Variants in ITGAX observed in about 807,000 individuals in gnomAD.
ITGAX encodes the protein integrin alpha-X.
Under a neutral mutation model 140.2 loss-of-function variants are expected in ITGAX, and 99 were observed. The observed-to-expected ratio is 0.71, with a 90% CI of 0.60 to 0.83. The LOEUF is 0.83. Among genes scored for constraint, ITGAX ranks in the 40% least tolerant of loss-of-function variants. The pLI is 0.00. For missense variants in ITGAX, 1,444 were observed against 1,482.0 expected, an observed-to-expected ratio of 0.97 and a Z score of 0.42; for synonymous variants, 631 against 600.4, an observed-to-expected ratio of 1.05 and a Z score of -0.75.
At chr16:31,372,810 C>T in intron 19 of ITGAX, 140 bp downstream of exon 19, 1 of 817,196 alleles carries the variant, frequency 1.2e-6, no homozygotes, top group Non-Finnish European at 2.0e-6. Context: ...GTGGCTCACG[C>T]CTGTAATCCC....
chr16:31,356,356 C>T, intron 2 of ITGAX: 1 of 461,078 alleles, frequency 2.2e-6, no homozygotes, highest in Non-Finnish European at 3.9e-6. Context: ...TCTCAAACTC[C>T]TGGGCTCAAG....
chr16:31,361,631 T>C, intron 9 of ITGAX: 1 of 732,102 alleles, frequency 1.4e-6, no homozygotes, highest in South Asian at 1.6e-5. Context: ...GAGGACCAGA[T>C]CGGTGCTGCC....
chr16:31,376,186 GTCTC>G (rs1391086675), intron 20 of ITGAX, among the ~76,000 whole-genome samples: 3 of 152,140 alleles, frequency 2.0e-5, no homozygotes, highest in African/African-American at 7.2e-5. Context: ...TGATTTTCCA[GTCTC>G]TCTATTTTTT....
intron 14 of ITGAX, among the ~76,000 whole-genome samples, chr16:31,368,882 T>A (rs1041633471): frequency 6.6e-6 from 1 of 152,164 alleles, no homozygotes; most frequent in African/African-American, 2.4e-5. Context: ...CATTTAACCC[T>A]GAGTGGACAC....
At chr16:31,369,298 C>G (rs560708226) in intron 14 of ITGAX, among the ~76,000 whole-genome samples, 35 of 143,476 alleles carry the variant, frequency 2.4e-4, no homozygotes, top group Admixed American at 1.7e-3. Context: ...GACCCCCCCC[C>G]CCACCTCCCT....
At position 31,363,354 on chromosome 16, in the gene ITGAX, A is replaced by G. The variant is rs189592567; in HGVS notation, c.1690A>G (p.Ile564Val). ...YLFHGVLGPS[I>V]SPSHSQRIAG... ...GTTTCACGGAGTCTTGGGACCCAGC[A>G]TCAGCCCCTCCCACAGCCAGGTGAG... Residue 564 changes from isoleucine (I) to valine (V), a missense_variant, in exon 14 of 30, where the codon ATC (isoleucine) becomes GTC (valine). Physicochemically the swap from Ile to Val is conservative, Grantham distance 29. Coordinates refer to ENST00000268296, the MANE Select transcript of ITGAX (RefSeq NM_000887.5). 1.7e-5 allele frequency: 28 copies of G among 1,613,376 alleles called. No individual in the cohort carries two copies. The East Asian group carries it at 4.9e-4, about 28-fold the overall frequency.
At position 31,377,170 on chromosome 16, in the gene ITGAX, C is replaced by T; in HGVS notation, c.2706-12C>T. On this transcript the variant is annotated splice_polypyrimidine_tract_variant and intron_variant, in intron 22 of 29. Coordinates refer to ENST00000268296, the MANE Select transcript of ITGAX (RefSeq NM_000887.5). ...GGGGCCTCTGGCAACTGAGTCTCTC[C>T]TCTTTCTCCAGTGAGAACAACACTC... 1 of 1,613,792 alleles carries T rather than the reference C, an allele frequency of 6.2e-7. No homozygotes were observed. The highest frequency in any genetic ancestry group is 2.2e-5 in the East Asian group (1 of 44,880).
Position 31,371,447 on chromosome 16 carries a change from C to T in ITGAX, c.1955C>T (p.Ser652Phe). ...GTCTCTGAGCAGACCCTGGTACAGT[C>T]CAACATCTGCCTTTACATTGACAAA... Reference protein sequence around the residue: ...QVVSEQTLVQSNICLYIDKRS... With the variant: ...QVVSEQTLVQFNICLYIDKRS... The change falls in exon 16 of 30, where the codon TCC becomes TTC. Residue 652 changes from serine (S) to phenylalanine (F), a missense_variant. Transcript: ENST00000268296. 6.2e-7 allele frequency: 1 copy of T among 1,614,180 alleles called. No homozygotes were observed. The highest frequency in any genetic ancestry group is 8.5e-7 in the Non-Finnish European group (1 of 1,180,022).
At chr16:31,381,632 A>G (rs1054368023) in intron 29 of ITGAX, among the ~76,000 whole-genome samples, 171 bp from the exon 30 acceptor site, 5 of 152,144 alleles carry the variant, frequency 3.3e-5, no homozygotes, top group African/African-American at 1.2e-4. Context: ...CCATCTCAAA[A>G]AGAAAATAAT....
At chr16:31,356,528 G>A in intron 2 of ITGAX, 97 bp from the exon 3 acceptor site, 1 of 720,350 alleles carries the variant, frequency 1.4e-6, no homozygotes, top group East Asian at 2.7e-5. Flanking sequence ...TGCAGATGAG[G>A]AAGCTGAGGC....
rs572294586 is a variant in ITGAX, at chr16:31,382,403, G to A, written c.*496G>A. 25 of 1,531,960 alleles carry A rather than the reference G, an allele frequency of 1.6e-5. No homozygotes were observed. In the South Asian group the frequency reaches 2.4e-4, roughly 15 times the overall value. 94.9% of individuals were successfully genotyped at this position (1,531,960 alleles called of 1,614,324 possible). Reference sequence around the variant, plus strand: ...TGGGACTACAGGCACACGCCACCTCGCCCGGCCCGATCTTTCTAAAATACA... The same window carrying A: ...TGGGACTACAGGCACACGCCACCTCACCCGGCCCGATCTTTCTAAAATACA... On this transcript the variant is annotated 3_prime_UTR_variant, in exon 30 of 30. Coordinates refer to ENST00000268296, the MANE Select transcript of ITGAX (RefSeq NM_000887.5).
chr16:31,355,528 T>C (rs560823692), intron 1 of ITGAX, among the ~76,000 whole-genome samples: 2 of 152,312 alleles, frequency 1.3e-5, no homozygotes, highest in African/African-American at 4.8e-5. Context: ...GTTGTCTCTG[T>C]ACTGCAGAGA....
rs1239246241 is a variant in ITGAX at position 31,357,274 on chromosome 16, C to G, written c.340C>G (p.His114Asp). 5 of 1,607,070 alleles carry G rather than the reference C, an allele frequency of 3.1e-6. No individual in the cohort carries two copies. ...QLLACGPTVH[H>D]ECGRNMYLTG... ...CCAGGCCTGCGGCCCCACCGTGCACCACGAGTGCGGGAGGAACATGTACCT... is the reference window on the plus strand; with the variant it reads ...CCAGGCCTGCGGCCCCACCGTGCACGACGAGTGCGGGAGGAACATGTACCT... The change falls in exon 5 of 30, where the codon CAC becomes GAC. Residue 114 changes from histidine to aspartate, a missense_variant. Transcript: ENST00000268296.
rs199910375 is a variant in ITGAX, at chr16:31,362,664, G to C, written c.1270G>C (p.Ala424Pro). 13 of 1,613,606 alleles carry C rather than the reference G, an allele frequency of 8.1e-6. No homozygotes were observed. The highest frequency in any genetic ancestry group is 1.1e-5 in the Non-Finnish European group (13 of 1,179,812). The change falls in exon 12 of 30, where the codon GCC becomes CCC. Residue 424 changes from alanine (A) to proline (P), a missense_variant. Transcript: ENST00000268296. ...AGGGGTGCAGAGCCTGGTCCTGGGGGCCCCCCGCTACCAGCACACCGGGAA... is the reference window on the plus strand; with the variant it reads ...AGGGGTGCAGAGCCTGGTCCTGGGGCCCCCCCGCTACCAGCACACCGGGAA... ...WKGVQSLVLGAPRYQHTGKAV... is the reference protein window; with the variant it reads ...WKGVQSLVLGPPRYQHTGKAV...
chr16:31,358,276 G>C (rs969338118), intron 5 of ITGAX: 4 of 152,188 alleles, frequency 2.6e-5, no homozygotes, highest in Admixed American at 6.6e-5. Context: ...GGAGGGGAGT[G>C]GGGGCCTGTA....
At chr16:31,375,304 C>T (rs748446746) in intron 20 of ITGAX, among the ~76,000 whole-genome samples, 22 of 152,182 alleles carry the variant, frequency 1.4e-4, no homozygotes, top group Admixed American at 3.9e-4. Flanking sequence ...GCGTAAGCCA[C>T]GGAGCCTAGC....
intron 2 of ITGAX, 102 bp from the exon 3 acceptor site, chr16:31,356,523 A>T: frequency 1.4e-6 from 1 of 701,134 alleles, no homozygotes; most frequent in Non-Finnish European, 2.6e-6. Flanking sequence ...CATCTTGCAG[A>T]TGAGGAAGCT....
chr16:31,373,159 TC>T, intron 19 of ITGAX, 89 bp from the exon 20 acceptor site: 1 of 766,176 alleles, frequency 1.3e-6, no homozygotes, highest in Non-Finnish European at 2.0e-6. Context: ...CCTGTCTATC[TC>T]CCAAATCCCC....
At position 31,361,607 on chromosome 16, in the gene ITGAX, TG is replaced by T. The variant is rs1597065989; in HGVS notation, c.1013-223del. 2.4e-5 allele frequency: 17 copies of T among 716,976 alleles called. No homozygotes were observed. In the East Asian group the frequency reaches 4.1e-4, roughly 17 times the overall value. 44.4% of individuals were successfully genotyped at this position (716,976 alleles called of 1,614,324 possible). A position where few individuals can be genotyped will look rare whatever the true frequency, so the allele number is the denominator to read the frequency against. Reference sequence around the variant, plus strand: ...CCCCTCGGGTCTGCTTGTAGACCTGTGGGGGGCCCTGATGAGGACCAGATCG... The same window carrying T: ...CCCCTCGGGTCTGCTTGTAGACCTGTGGGGGCCCTGATGAGGACCAGATCG... On this transcript the variant is annotated intron_variant, in intron 9 of 29. Coordinates refer to ENST00000268296, the MANE Select transcript of ITGAX (RefSeq NM_000887.5).
Sources: allele counts gnomAD v4.1 joint callset (sites outside exome capture counted in the v4.1 genomes callset), GRCh38; gene constraint gnomAD v4.1.1; transcripts MANE v1.5; gene names NCBI Gene and HGNC (gene_info 2026-07-23, HGNC 2026-07-21).